Variants in TMEM87A observed in about 807,000 individuals in gnomAD.
The protein encoded by TMEM87A is transmembrane protein 87A.
A neutral mutation model predicts 90.0 loss-of-function variants in TMEM87A; 50 were observed. The observed-to-expected ratio is 0.56, with a 90% CI of 0.44 to 0.70. The LOEUF (loss-of-function observed/expected upper bound fraction) is 0.70, where lower values mean the gene tolerates loss of function less well. Ranked by LOEUF, TMEM87A falls within the 30% of genes least tolerant of loss-of-function variation. TMEM87A has a pLI of 0.00. For synonymous variants in TMEM87A, 226 were observed against 226.7 expected, an observed-to-expected ratio of 1.00 and a Z score of 0.03; for missense variants, 577 against 660.5, an observed-to-expected ratio of 0.87 and a Z score of 1.39.
chr15:42,239,812 C>T (rs2050837985), intron 7 of TMEM87A, 81 bp from the exon 8 acceptor site: 1 of 1,197,884 alleles, frequency 8.3e-7, no homozygotes, highest in South Asian at 1.2e-5. Flanking sequence ...GTTTAATGAA[C>T]TTAGTAAGAA....
intron 7 of TMEM87A, among the ~76,000 whole-genome samples, chr15:42,241,578 T>A (rs2140948059): frequency 6.6e-6 from 1 of 152,268 alleles, no homozygotes; most frequent in South Asian, 2.1e-4. Context: ...ATGTAGTCAT[T>A]TTATAGGCAA....
chr15:42,239,598 C>G, intron 8 of TMEM87A, 72 bp downstream of exon 8: 1 of 1,251,682 alleles, frequency 8.0e-7, no homozygotes. Flanking sequence ...AAGAATACTG[C>G]CACAAAACAT....
chr15:42,272,198 G>T, intron 1 of TMEM87A, 75 bp from the exon 2 acceptor site: 2 of 1,085,540 alleles, frequency 1.8e-6, no homozygotes, highest in South Asian at 1.4e-5. Flanking sequence ...ATCTAAGACT[G>T]CTAGAAATTC....
intron 15 of TMEM87A, among the ~76,000 whole-genome samples, chr15:42,226,188 C>T (rs1481206939): frequency 2.0e-5 from 3 of 151,946 alleles, no homozygotes; most frequent in Non-Finnish European, 2.9e-5. Context: ...TTAGTAGAGA[C>T]GGGGTTCCGC....
chr15:42,270,156 G>T (rs2051489654), intron 2 of TMEM87A, among the ~76,000 whole-genome samples: 1 of 152,102 alleles, frequency 6.6e-6, no homozygotes, highest in Non-Finnish European at 1.5e-5. Context: ...GATAACTTGA[G>T]GTCGGGAGTT....
At chr15:42,227,851 G>T in intron 13 of TMEM87A, 82 bp from the exon 14 acceptor site, 1 of 1,269,722 alleles carries the variant, frequency 7.9e-7, no homozygotes. Context: ...CGGTTAAGTG[G>T]AATCCCACAC....
At chr15:42,224,095 TG>T (rs776454378) in intron 15 of TMEM87A, among the ~76,000 whole-genome samples, 15 of 152,372 alleles carry the variant, frequency 9.8e-5, no homozygotes, top group Non-Finnish European at 1.0e-4. Flanking sequence ...TAACATGTCC[TG>T]TCTTTATTTG....
chr15:42,239,149 T>C (rs181923570), intron 8 of TMEM87A, among the ~76,000 whole-genome samples: 46 of 152,296 alleles, frequency 3.0e-4, no homozygotes, highest in Non-Finnish European at 5.7e-4. Flanking sequence ...GTTCAAGCAA[T>C]TCTGCTTTAG....
chr15:42,268,140 C>A, intron 2 of TMEM87A, 108 bp from the exon 3 acceptor site: 1 of 716,182 alleles, frequency 1.4e-6, no homozygotes, highest in Non-Finnish European at 2.3e-6. Flanking sequence ...CTGAGATACT[C>A]AAAGACCATC....
intron 6 of TMEM87A, among the ~76,000 whole-genome samples, chr15:42,249,963 T>C (rs910791612): frequency 5.9e-5 from 9 of 152,224 alleles, no homozygotes; most frequent in African/African-American, 2.2e-4. Flanking sequence ...CTGTATTGGG[T>C]GCATATATAT....
Position 42,238,512 on chromosome 15 carries a change from T to C in TMEM87A, c.685-897A>G, listed in dbSNP as rs183866112. 1.6e-3 allele frequency among the ~76,000 whole-genome samples: 247 copies of C among 152,066 alleles called. 1 individual carries two copies. The highest frequency in any genetic ancestry group is 5.6e-3 in the African/African-American group (231 of 41,484). Reference sequence around the variant, plus strand: ...TTGAACCCAGGAGCTGGAGGTTGCATTGAGCCAAGATCGTGCCATTCCACT... The same window carrying C: ...TTGAACCCAGGAGCTGGAGGTTGCACTGAGCCAAGATCGTGCCATTCCACT... On this transcript the variant is annotated intron_variant, in intron 8 of 19. Coordinates refer to ENST00000389834, the MANE Select transcript of TMEM87A (RefSeq NM_015497.5).
Position 42,237,524 on chromosome 15 carries a change from T to A in TMEM87A, c.776A>T (p.Gln259Leu). The A allele has an allele frequency of 1.2e-6, 2 of 1,614,046 alleles. No homozygotes were observed. Among genetic ancestry groups the A allele is most frequent in the South Asian group, 1.1e-5 (1 of 91,072 alleles). Residue 259 changes from glutamine (Q) to leucine (L), a missense_variant, in exon 9 of 20, where the codon CAG becomes CTG. Transcript: ENST00000389834. ...GAAGATGACAGCACCAATCCAAAAC[T>A]GAATTCTCAGGAGATCTCTCCAGTA... ...ACYWRDLLRI[Q>L]FWIGAVIFLG...
chr15:42,243,512 A>T (rs1373957978), intron 7 of TMEM87A, among the ~76,000 whole-genome samples: 18 of 129,580 alleles, frequency 1.4e-4, no homozygotes, highest in African/African-American at 4.9e-4. Context: ...ATGTTAATTA[A>T]TTTTTTTTTT....
intron 5 of TMEM87A, 30 bp downstream of exon 5, chr15:42,261,166 C>T (rs369753176): frequency 1.5e-4 from 243 of 1,607,780 alleles, no homozygotes; most frequent in African/African-American, 1.3e-5. Context: ...TTTTACTGCA[C>T]TCTCAGAAAT....
intron 8 of TMEM87A, among the ~76,000 whole-genome samples, chr15:42,238,005 ATGTG>A (rs200237374): frequency 0.15 from 1,872 of 12,174 alleles, 33 homozygotes; most frequent in African/African-American, 0.24. Context: ...ATATATATAT[ATGTG>A]TGTGTGTGTG....
At chr15:42,248,171 G>A (rs959884130) in intron 6 of TMEM87A, among the ~76,000 whole-genome samples, 1 of 152,154 alleles carries the variant, frequency 6.6e-6, no homozygotes, top group African/African-American at 2.4e-5. Context: ...ATCAGCTTAA[G>A]GAGATTTTGG....
chr15:42,220,826 C>G (rs1045599624), intron 15 of TMEM87A, among the ~76,000 whole-genome samples: 1 of 152,256 alleles, frequency 6.6e-6, no homozygotes, highest in South Asian at 2.1e-4. Context: ...GAGTCTCGCT[C>G]TGTCGCCCAG....
rs1262954241 is a variant in TMEM87A, at chr15:42,210,773, A to T, written c.*935T>A. On this transcript the variant is annotated 3_prime_UTR_variant, in exon 20 of 20. Coordinates refer to ENST00000389834, the MANE Select transcript of TMEM87A (RefSeq NM_015497.5). ...GCTACTTCATGCAATAACTGTTTAA[A>T]TTAAGCCAGCAGGACCTGTTTCCTT... 6.5e-6 allele frequency: 1 copy of T among 152,702 alleles called. No homozygotes were observed. The highest frequency in any genetic ancestry group is 1.5e-5 in the Non-Finnish European group (1 of 68,074). 9.5% of individuals were successfully genotyped at this position (152,702 alleles called of 1,614,324 possible). A position where few individuals can be genotyped will look rare whatever the true frequency, so the allele number is the denominator to read the frequency against.
At chr15:42,214,395 G>A (rs993552660) in intron 19 of TMEM87A, among the ~76,000 whole-genome samples, 2 of 152,166 alleles carry the variant, frequency 1.3e-5, no homozygotes, top group African/African-American at 2.4e-5. Context: ...GAAACGACAG[G>A]CCAATATCCC....
Sources: allele counts gnomAD v4.1 joint callset (sites outside exome capture counted in the v4.1 genomes callset), GRCh38; gene constraint gnomAD v4.1.1; transcripts MANE v1.5; gene names NCBI Gene and HGNC (gene_info 2026-07-23, HGNC 2026-07-21).